GDAP1: variants seen among roughly 807,000 people sequenced by gnomAD.
GDAP1 encodes the protein ganglioside induced differentiation associated protein 1.
In GDAP1, 34 loss-of-function variants were observed where a neutral mutation model predicts 40.1. The observed-to-expected ratio is 0.85, with a 90% CI of 0.64 to 1.13. The LOEUF is 1.13. Ranked by LOEUF, GDAP1 falls within the 50% of genes most tolerant of loss-of-function variation. The probability of loss-of-function intolerance (pLI) is 0.00; values close to 1 mark genes in which losing one functional copy is unlikely to be tolerated. For missense variants in GDAP1, 374 were observed against 433.7 expected (o/e 0.86, Z 1.22); for synonymous variants, 170 against 157.4 (o/e 1.08, Z -0.60).
At chr8:74,374,511 A>AG (rs1312905166) in intron 2 of GDAP1, among the ~76,000 whole-genome samples, 3 of 152,198 alleles carry the variant, frequency 2.0e-5, no homozygotes, top group African/African-American at 2.4e-5. Context: ...GGAAAAAAAA[A>AG]TCAATGCAGC....
At chr8:74,390,291 G>C (rs1189608757) in intron 2 of GDAP1, among the ~76,000 whole-genome samples, 1 of 152,154 alleles carries the variant, frequency 6.6e-6, no homozygotes, top group Non-Finnish European at 1.5e-5. Flanking sequence ...TAGCCTTTTT[G>C]CGCTGGTTTT....
intron 2 of GDAP1, among the ~76,000 whole-genome samples, chr8:74,472,605 T>C (rs1806571612): frequency 6.6e-6 from 1 of 152,222 alleles, no homozygotes; most frequent in Non-Finnish European, 1.5e-5. Flanking sequence ...ATCTGTTTTT[T>C]TTTGACTTTT....
intron 2 of GDAP1, among the ~76,000 whole-genome samples, chr8:74,417,247 C>T (rs1805794862): frequency 6.7e-6 from 1 of 149,850 alleles, no homozygotes; most frequent in Non-Finnish European, 1.5e-5. Flanking sequence ...AGAAAATTTC[C>T]TCGACTTGAT....
Position 74,365,512 on chromosome 8 carries a change from G to A in GDAP1, c.*1145G>A, listed in dbSNP as rs1208108685. ...TTGTGCTCAGAAAAAGTCTTTCATG[G>A]TGACAGGAAGACAGTTTCCCTGGAG... On this transcript the variant is annotated 3_prime_UTR_variant, in exon 6 of 6. Transcript: ENST00000220822. The A allele has an allele frequency of 1.1e-5, 5 of 454,222 alleles. No homozygotes were observed. Among genetic ancestry groups the A allele is most frequent in the Admixed American group, 9.4e-5 (4 of 42,570 alleles). 28.1% of individuals were successfully genotyped at this position (454,222 alleles called of 1,614,324 possible). A position where few individuals can be genotyped will look rare whatever the true frequency, so the allele number is the denominator to read the frequency against.
At chr8:74,399,042 G>A (rs13278728) in intron 2 of GDAP1, among the ~76,000 whole-genome samples, 78,011 of 151,152 alleles carry the variant, frequency 0.52, 20,525 homozygotes, top group African/African-American at 0.64. Flanking sequence ...CGGCTTTGGT[G>A]TCAGGATGAT....
In GDAP1 at chr8:74,364,468, T is replaced by A; in HGVS notation, c.*101T>A. ...CTGTCTTATTGAGTAGTTAGCAGTA[T>A]TTTTTCCTAAAATTCAGAAGTCATC... On this transcript the variant is annotated 3_prime_UTR_variant, in exon 6 of 6. Coordinates refer to ENST00000220822, the MANE Select transcript of GDAP1 (RefSeq NM_018972.4). The A allele has an allele frequency of 1.6e-6, 2 of 1,214,074 alleles. No individual in the cohort carries two copies. The highest frequency in any genetic ancestry group is 1.2e-5 in the South Asian group (1 of 82,430). 75.2% of individuals were successfully genotyped at this position (1,214,074 alleles called of 1,614,324 possible).
At chr8:74,409,256 C>G (rs1455556067) in intron 2 of GDAP1, among the ~76,000 whole-genome samples, 1 of 149,886 alleles carries the variant, frequency 6.7e-6, no homozygotes, top group Non-Finnish European at 1.5e-5. Flanking sequence ...ACCCAATTGT[C>G]CCATAAAGCT....
At chr8:74,442,717 CA>C (rs1254828783) in intron 2 of GDAP1, among the ~76,000 whole-genome samples, 19 of 152,056 alleles carry the variant, frequency 1.2e-4, no homozygotes, top group African/African-American at 4.6e-4. Context: ...CACAGGAGAG[CA>C]AATGTAAAGA....
chr8:74,366,421 T>TA lies in GDAP1; in HGVS notation c.*2062dup, dbSNP rs746660568. ...TCTTCATCAGATTATTCTTCTGTTT[T>TA]AAAAAAAAGCTTGAGGCAAATGTGA... On this transcript the variant is annotated 3_prime_UTR_variant, in exon 6 of 6. Transcript: ENST00000220822. 2.9e-5 allele frequency: 13 copies of TA among 454,068 alleles called. No individual in the cohort carries two copies. The highest frequency in any genetic ancestry group is 6.0e-5 in the African/African-American group (3 of 49,910). The allele number at this position is 454,068 out of a possible 1,614,324, so 28.1% of individuals were successfully genotyped here.
chr8:74,399,777 A>C (rs372880237), intron 2 of GDAP1, among the ~76,000 whole-genome samples: 1 of 124,798 alleles, frequency 8.0e-6, no homozygotes, highest in Non-Finnish European at 1.6e-5. Flanking sequence ...TTCAAAGAAC[A>C]TCTTTATTTC....
rs779770529 is a variant in GDAP1 at position 74,361,905 on chromosome 8, C to A, written c.506C>A (p.Ser169Tyr). Residue 169 changes from serine (S) to tyrosine (Y), a missense_variant, in exon 4 of 6, where the codon TCT becomes TAT. Coordinates refer to ENST00000220822, the MANE Select transcript of GDAP1 (RefSeq NM_018972.4). ...RIRSQIGNTE[S>Y]ELKKLAEENP... ...TCAGGCCAAATTGGAAACACAGAGT[C>A]TGAGCTGAAGAAACTTGCTGAAGAA... The A allele has an allele frequency of 1.2e-6, 2 of 1,602,030 alleles. No homozygotes were observed. The highest frequency in any genetic ancestry group is 2.7e-5 in the African/African-American group (2 of 74,780).
In GDAP1 at chr8:74,464,000, A is replaced by G. The variant is rs956055107; in HGVS notation, c.166-24678A>G. On this transcript the variant is annotated intron_variant, in intron 2 of 2. Transcript: ENST00000523640. ...TCAAGAGAAATGCTATGAAACAACT[A>G]AAGGAAATGTGGAGGAAATATTTAG... 1.2e-4 allele frequency among the ~76,000 whole-genome samples: 18 copies of G among 152,326 alleles called. 1 individual carries two copies. Among genetic ancestry groups the G allele is most frequent in the African/African-American group, 3.4e-4 (14 of 41,574 alleles).
chr8:74,378,988 T>C (rs1228304029), intron 2 of GDAP1, among the ~76,000 whole-genome samples: 3 of 152,162 alleles, frequency 2.0e-5, no homozygotes, highest in Non-Finnish European at 4.4e-5. Flanking sequence ...CTTGGAGTAT[T>C]GTTTTGAAGT....
chr8:74,365,590 T>C lies in GDAP1; in HGVS notation c.*1223T>C, dbSNP rs1809589425. 2.2e-6 allele frequency: 1 copy of C among 454,272 alleles called. No individual in the cohort carries two copies. Among genetic ancestry groups the C allele is most frequent in the African/African-American group, 2.0e-5 (1 of 49,954 alleles). 28.1% of individuals were successfully genotyped at this position (454,272 alleles called of 1,614,324 possible). A position where few individuals can be genotyped will look rare whatever the true frequency, so the allele number is the denominator to read the frequency against. ...TCTGGTGTCTGGTGGGTAGCAGGCATAGAGATGATGTGCCGAGGTCCCAGT... is the reference window on the plus strand; with the variant it reads ...TCTGGTGTCTGGTGGGTAGCAGGCACAGAGATGATGTGCCGAGGTCCCAGT... On this transcript the variant is annotated 3_prime_UTR_variant, in exon 6 of 6. Coordinates refer to ENST00000220822, the MANE Select transcript of GDAP1 (RefSeq NM_018972.4).
At chr8:74,367,421 A>G (rs376426411), downstream of GDAP1, among the ~76,000 whole-genome samples, 277 of 152,320 alleles carry the variant, frequency 1.8e-3, 3 homozygotes, top group Non-Finnish European at 3.0e-3. Flanking sequence ...ATGCAAGTCT[A>G]ATTGGCATTG....
At chr8:74,355,800 A>G (rs1809065814) in intron 2 of GDAP1, among the ~76,000 whole-genome samples, 1 of 152,044 alleles carries the variant, frequency 6.6e-6, no homozygotes, top group African/African-American at 2.4e-5. Flanking sequence ...AGTTCTCTGA[A>G]CATCACGTTC....
chr8:74,417,869 C>T (rs1458270633), intron 2 of GDAP1, among the ~76,000 whole-genome samples: 1 of 147,932 alleles, frequency 6.8e-6, no homozygotes, highest in Admixed American at 6.7e-5. Flanking sequence ...GTAAGATAAA[C>T]ACATGAATAT....
At chr8:74,375,411 T>C (rs1809836418) in intron 2 of GDAP1, among the ~76,000 whole-genome samples, 1 of 152,184 alleles carries the variant, frequency 6.6e-6, no homozygotes, top group Non-Finnish European at 1.5e-5. Context: ...TTCATTAATA[T>C]ATTTCAAAAG....
Position 74,357,362 on chromosome 8 carries a change from A to G in GDAP1, c.311-2775A>G, listed in dbSNP as rs1809151565. 1.3e-5 allele frequency among the ~76,000 whole-genome samples: 2 copies of G among 152,080 alleles called. 1 individual carries two copies. The highest frequency in any genetic ancestry group is 4.1e-4 in the South Asian group (2 of 4,830). The stretch of plus-strand genomic sequence containing the variant: ...AGCCCCTAATTTCTTTTTATGTTTT[A>G]CTCTTGGGAAAACCAAATGTAATTT... On this transcript the variant is annotated intron_variant, in intron 2 of 5. Coordinates refer to ENST00000220822, the MANE Select transcript of GDAP1 (RefSeq NM_018972.4).
Sources: gnomAD v4.1 joint callset for allele counts (sites outside exome capture counted in the v4.1 genomes callset) on GRCh38, gnomAD v4.1.1 for gene constraint, MANE v1.5 for transcripts, NCBI Gene and HGNC (gene_info 2026-07-23, HGNC 2026-07-21) for gene names.